The following TLN2 variants were observed in gnomAD, a reference collection of about 807,000 sequenced individuals.
TLN2 encodes talin 2, also known as talin-2.
TLN2 carries 118 observed loss-of-function variants against 294.7 expected under a neutral mutation model. The observed-to-expected ratio is 0.40, with a 90% CI of 0.34 to 0.47. The LOEUF (loss-of-function observed/expected upper bound fraction) is 0.47, where lower values mean the gene tolerates loss of function less well. TLN2 is among the 20% of genes least tolerant of loss of function. The pLI, the probability that TLN2 is intolerant of heterozygous loss-of-function variation, is 0.84. For synonymous variants in TLN2, 1,431 were observed against 1,304.5 expected, an observed-to-expected ratio of 1.10 and a Z score of -2.09; for missense variants, 3,083 against 3,282.2, an observed-to-expected ratio of 0.94 and a Z score of 1.48.
intron 3 of TLN2, among the ~76,000 whole-genome samples, chr15:62,645,848 G>A (rs1335745124): frequency 6.6e-6 from 1 of 152,188 alleles, no homozygotes; most frequent in Non-Finnish European, 1.5e-5. Context: ...ACTATAAAGG[G>A]CCTTGTTTTG....
intron 1 of TLN2, among the ~76,000 whole-genome samples, chr15:62,485,161 G>A (rs1443646140): frequency 7.2e-5 from 11 of 152,024 alleles, no homozygotes; most frequent in Admixed American, 3.3e-4. Flanking sequence ...CAGGACCTTC[G>A]TGCCTACCTT....
rs959432108 is a variant in TLN2, at chr15:62,712,198, T to A, written c.2634+121T>A. On this transcript the variant is annotated intron_variant, in intron 22 of 58. Coordinates refer to ENST00000636159, the MANE Select transcript of TLN2 (RefSeq NM_015059.3). ...CATTTTTGTTTGCTTAAAACCTATATGGCTTGTAACATCTAACCCTGTTCT... is the reference window on the plus strand; with the variant it reads ...CATTTTTGTTTGCTTAAAACCTATAAGGCTTGTAACATCTAACCCTGTTCT... 23 of 1,241,114 alleles carry A rather than the reference T, an allele frequency of 1.9e-5. No individual in the cohort carries two copies. The African/African-American group carries it at 3.4e-4, about 19-fold the overall frequency. 76.9% of individuals were successfully genotyped at this position (1,241,114 alleles called of 1,614,324 possible). A position where few individuals can be genotyped will look rare whatever the true frequency, so the allele number is the denominator to read the frequency against.
chr15:62,810,531 G>A (rs2066608649), intron 52 of TLN2, among the ~76,000 whole-genome samples: 1 of 152,096 alleles, frequency 6.6e-6, no homozygotes, highest in South Asian at 2.1e-4. Context: ...CATCGAGAAT[G>A]ACTCCCCCAG....
intron 3 of TLN2, among the ~76,000 whole-genome samples, chr15:62,626,274 A>T (rs1040157399): frequency 2.0e-5 from 3 of 151,940 alleles, no homozygotes; most frequent in African/African-American, 7.2e-5. Context: ...GAAAATATAA[A>T]CAATTATGTT....
intron 1 of TLN2, among the ~76,000 whole-genome samples, chr15:62,505,051 G>A (rs570378785): frequency 6.6e-6 from 1 of 152,270 alleles, no homozygotes; most frequent in South Asian, 2.1e-4. Flanking sequence ...CCGCTTCCCA[G>A]GTTCAAGCGA....
At chr15:62,584,886 C>T (rs2045459215) in intron 1 of TLN2, among the ~76,000 whole-genome samples, 3 of 152,230 alleles carry the variant, frequency 2.0e-5, no homozygotes, top group African/African-American at 7.2e-5. Flanking sequence ...AGTTCATCCT[C>T]AGCTAATCCT....
At chr15:62,562,101 G>A (rs2043016920) in intron 1 of TLN2, among the ~76,000 whole-genome samples, 1 of 152,052 alleles carries the variant, frequency 6.6e-6, no homozygotes, top group Non-Finnish European at 1.5e-5. Flanking sequence ...AGATACACCC[G>A]AATCGTTTGG....
rs1361001677 is a variant in TLN2, at chr15:62,819,555, G to C, written c.6811G>C (p.Ala2271Pro). The C allele has an allele frequency of 6.2e-7, 1 of 1,613,834 alleles. No individual in the cohort carries two copies. The highest frequency in any genetic ancestry group is 1.7e-5 in the Admixed American group (1 of 60,012). Residue 2271 changes from alanine to proline, a missense_variant, in exon 53 of 59, where the codon GCC (alanine) becomes CCC (proline). Coordinates refer to ENST00000636159, the MANE Select transcript of TLN2 (RefSeq NM_015059.3). ...KPTPEFKQQL[A>P]AFSKRVAGAV... ...AACCCCAGAATTCAAGCAGCAGCTG[G>C]CCGCTTTCTCCAAGCGAGTCGCCGG...
At chr15:62,551,936 G>A (rs966428164) in intron 1 of TLN2, among the ~76,000 whole-genome samples, 2 of 152,186 alleles carry the variant, frequency 1.3e-5, no homozygotes, top group African/African-American at 4.8e-5. Context: ...ATTGTTTTAG[G>A]CTTTAGAGTG....
intron 11 of TLN2, among the ~76,000 whole-genome samples, chr15:62,686,097 TTA>T (rs2057264070): frequency 6.6e-6 from 1 of 152,184 alleles, no homozygotes; most frequent in Non-Finnish European, 1.5e-5. Flanking sequence ...TTAAAACTAG[TTA>T]TAAAATAAGT....
At chr15:62,670,102 C>T (rs1416489210) in intron 9 of TLN2, among the ~76,000 whole-genome samples, 1 of 152,180 alleles carries the variant, frequency 6.6e-6, no homozygotes, top group African/African-American at 2.4e-5. Context: ...GTCCCCTGGA[C>T]ACCACCATCT....
At chr15:62,782,964 G>T (rs1188827269) in intron 44 of TLN2, among the ~76,000 whole-genome samples, 1 of 152,226 alleles carries the variant, frequency 6.6e-6, no homozygotes, top group Non-Finnish European at 1.5e-5. Flanking sequence ...AACTGCTTTT[G>T]TGAGAATTTA....
chr15:62,607,948 C>A (rs2047592617), intron 2 of TLN2, among the ~76,000 whole-genome samples: 2 of 152,128 alleles, frequency 1.3e-5, no homozygotes, highest in South Asian at 4.1e-4. Context: ...ACCTCAAGGA[C>A]CTTGAATTTG....
chr15:62,568,398 A>AT (rs1038579781), intron 1 of TLN2, among the ~76,000 whole-genome samples: 13 of 152,350 alleles, frequency 8.5e-5, no homozygotes, highest in African/African-American at 2.9e-4. Context: ...AGCAGCAGCA[A>AT]TCTCTTTAAA....
At chr15:62,781,003 T>A in intron 43 of TLN2, 137 bp from the exon 44 acceptor site, 1 of 632,858 alleles carries the variant, frequency 1.6e-6, no homozygotes, top group South Asian at 2.0e-5. Flanking sequence ...ATTGCACAAG[T>A]TGGGTAATTG....
At chr15:62,767,878 C>G (rs2063112643) in intron 41 of TLN2, among the ~76,000 whole-genome samples, 3 of 152,200 alleles carry the variant, frequency 2.0e-5, no homozygotes, top group Non-Finnish European at 2.9e-5. Context: ...ATACCCATGT[C>G]TCTGCGGATA....
chr15:62,474,038 G>A (rs943619271), intron 1 of TLN2, among the ~76,000 whole-genome samples: 4 of 152,174 alleles, frequency 2.6e-5, no homozygotes, highest in African/African-American at 7.2e-5. Flanking sequence ...AAGTTGCAGT[G>A]AGCCCAGACA....
rs115232622 is a variant in TLN2 at position 62,417,898 on chromosome 15, G to A, written c.-238+27213G>A. On this transcript the variant is annotated intron_variant, in intron 1 of 58. Coordinates refer to ENST00000636159, the MANE Select transcript of TLN2 (RefSeq NM_015059.3). ...CATCTCACATTCACTTTCAGAGCAGGGTGTGGTTGTCCGAATGCTTGGCTT... is the reference window on the plus strand; with the variant it reads ...CATCTCACATTCACTTTCAGAGCAGAGTGTGGTTGTCCGAATGCTTGGCTT... Among the ~76,000 whole-genome samples the A allele has an allele frequency of 2.4e-3, 362 of 152,308 alleles. 1 individual carries two copies. The highest frequency in any genetic ancestry group is 8.5e-3 in the African/African-American group (352 of 41,572).
chr15:62,829,848 T>A (rs1434119090), intron 54 of TLN2: 39 of 152,258 alleles, frequency 2.6e-4, no homozygotes, highest in African/African-American at 7.9e-4. Context: ...TGAGTTCAAT[T>A]GTTTTGATTT....
Sources: allele counts gnomAD v4.1 joint callset (sites outside exome capture counted in the v4.1 genomes callset), GRCh38; gene constraint gnomAD v4.1.1; transcripts MANE v1.5; gene names NCBI Gene and HGNC (gene_info 2026-07-23, HGNC 2026-07-21).